CDK19: variants seen among roughly 807,000 people sequenced by gnomAD.
The protein encoded by CDK19 is cyclin dependent kinase 19.
Under a neutral mutation model 68.3 loss-of-function variants are expected in CDK19, and 20 were observed. The ratio of observed to expected loss-of-function variants is 0.29; its 90% confidence interval spans 0.21 to 0.43. The LOEUF is 0.43. Ranked by LOEUF, CDK19 falls within the 20% of genes least tolerant of loss-of-function variation. CDK19 has a pLI of 1.00. For synonymous variants in CDK19, 221 were observed against 222.8 expected, an observed-to-expected ratio of 0.99 and a Z score of 0.07; for missense variants, 339 against 623.5, an observed-to-expected ratio of 0.54 and a Z score of 4.86.
intron 2 of CDK19, among the ~76,000 whole-genome samples, chr6:110,715,994 C>T (rs763426124): frequency 6.6e-6 from 1 of 152,088 alleles, no homozygotes; most frequent in Non-Finnish European, 1.5e-5. Flanking sequence ...ACAAAGCACG[C>T]ATTTTCTGTC....
chr6:110,729,459 C>T (rs1040076227), intron 2 of CDK19, among the ~76,000 whole-genome samples: 2 of 152,178 alleles, frequency 1.3e-5, no homozygotes, highest in East Asian at 1.9e-4. Context: ...GACAGAGTAT[C>T]GCTCTGCCAG....
chr6:110,750,621 C>T (rs1445812439), intron 1 of CDK19, among the ~76,000 whole-genome samples: 1 of 152,034 alleles, frequency 6.6e-6, no homozygotes, highest in Non-Finnish European at 1.5e-5. Context: ...GAAACCCCAA[C>T]CAAAAATGAA....
intron 4 of CDK19, chr6:110,646,286 G>A: frequency 6.6e-7 from 1 of 1,507,916 alleles, no homozygotes; most frequent in Admixed American, 2.1e-5. Context: ...CCGCCAACAT[G>A]TGCAAGCACA....
At chr6:110,694,474 G>A (rs890563039) in intron 2 of CDK19, among the ~76,000 whole-genome samples, 1 of 152,030 alleles carries the variant, frequency 6.6e-6, no homozygotes, top group African/African-American at 2.4e-5. Flanking sequence ...CAATCCTAAA[G>A]ATATATGCAC....
At chr6:110,723,758 T>G (rs1241237954) in intron 2 of CDK19, among the ~76,000 whole-genome samples, 3 of 152,224 alleles carry the variant, frequency 2.0e-5, no homozygotes, top group Non-Finnish European at 1.5e-5. Context: ...AACAAAGCCA[T>G]GCCCACAGGC....
At chr6:110,803,483 C>T (rs1479548147) in intron 1 of CDK19, among the ~76,000 whole-genome samples, 1 of 152,092 alleles carries the variant, frequency 6.6e-6, no homozygotes, top group African/African-American at 2.4e-5. Context: ...CACTTTGATA[C>T]AAATATACAA....
At chr6:110,632,806 G>T (rs1055101872) in intron 5 of CDK19, among the ~76,000 whole-genome samples, 5 of 152,116 alleles carry the variant, frequency 3.3e-5, no homozygotes, top group Admixed American at 3.3e-4. Context: ...TTAGAATCCA[G>T]GTCTGACTTT....
chr6:110,809,271 T>C (rs1053080797), intron 1 of CDK19, among the ~76,000 whole-genome samples: 5 of 150,686 alleles, frequency 3.3e-5, no homozygotes, highest in African/African-American at 4.9e-5. Context: ...TCCCAGCACT[T>C]TGGGAGGCTG....
intron 2 of CDK19, among the ~76,000 whole-genome samples, chr6:110,679,632 T>A (rs1055122652): frequency 6.6e-6 from 1 of 152,026 alleles, no homozygotes; most frequent in East Asian, 1.9e-4. Flanking sequence ...AAAATTTTTT[T>A]AAAAAAAGAA....
chr6:110,618,477 G>A (rs1778491353), intron 12 of CDK19, among the ~76,000 whole-genome samples: 1 of 152,150 alleles, frequency 6.6e-6, no homozygotes, highest in Non-Finnish European at 1.5e-5. Flanking sequence ...CTTGAGTTGT[G>A]TACTTTTCCC....
chr6:110,622,345 T>A (rs1038831384), intron 10 of CDK19, among the ~76,000 whole-genome samples, 179 bp from the exon 11 acceptor site: 1 of 152,228 alleles, frequency 6.6e-6, no homozygotes, highest in Non-Finnish European at 1.5e-5. Context: ...AGTTTCTCTA[T>A]ACTAACTTCA....
intron 1 of CDK19, among the ~76,000 whole-genome samples, chr6:110,776,146 T>G (rs539091724): frequency 2.0e-5 from 3 of 152,004 alleles, no homozygotes; most frequent in African/African-American, 7.3e-5. Flanking sequence ...CCAGAGAAAA[T>G]AGCCAGGCGC....
intron 2 of CDK19, among the ~76,000 whole-genome samples, chr6:110,718,709 T>C (rs578252026): frequency 6.9e-6 from 1 of 144,732 alleles, no homozygotes; most frequent in South Asian, 2.2e-4. Context: ...GAGGGCAAAA[T>C]AAAGACATTT....
rs1481412600 is a variant in CDK19, at chr6:110,613,095, C to G, written c.*1440G>C. 3.3e-5 allele frequency: 5 copies of G among 152,566 alleles called. No individual in the cohort carries two copies. The highest frequency in any genetic ancestry group is 4.8e-5 in the African/African-American group (2 of 41,430). The allele number at this position is 152,566 out of a possible 1,614,324, so 9.5% of individuals were successfully genotyped here. A position where few individuals can be genotyped will look rare whatever the true frequency, so the allele number is the denominator to read the frequency against. ...CATTCAGAAGAACACAAATTTCTTG[C>G]CCCTTACATTACAATGGGAGCTCTA... is the stretch of plus-strand genomic sequence containing the variant. On this transcript the variant is annotated 3_prime_UTR_variant, in exon 13 of 13. Coordinates refer to ENST00000368911, the MANE Select transcript of CDK19 (RefSeq NM_015076.5).
intron 2 of CDK19, among the ~76,000 whole-genome samples, chr6:110,686,959 G>A (rs549156446): frequency 1.3e-5 from 2 of 152,298 alleles, no homozygotes; most frequent in South Asian, 2.1e-4. Context: ...AGCACTTTGG[G>A]AGGCCAAGGC....
At chr6:110,624,146 G>A (rs1778937636) in intron 8 of CDK19, among the ~76,000 whole-genome samples, 1 of 151,834 alleles carries the variant, frequency 6.6e-6, no homozygotes, top group Admixed American at 6.6e-5. Context: ...ATAACTTTTA[G>A]AGGTACATAA....
chr6:110,660,775 G>A (rs1781572700), intron 4 of CDK19, among the ~76,000 whole-genome samples: 1 of 152,212 alleles, frequency 6.6e-6, no homozygotes, highest in South Asian at 2.1e-4. Context: ...TCTGCCGGCT[G>A]AGCCTGAGGT....
intron 4 of CDK19, among the ~76,000 whole-genome samples, chr6:110,647,612 A>C (rs1051917496): frequency 6.6e-6 from 1 of 152,224 alleles, no homozygotes; most frequent in Non-Finnish European, 1.5e-5. Flanking sequence ...AATTAGAAAA[A>C]CTGAAGAAAC....
At chr6:110,683,090 C>T (rs1219911007) in intron 2 of CDK19, among the ~76,000 whole-genome samples, 1 of 148,470 alleles carries the variant, frequency 6.7e-6, no homozygotes, top group Non-Finnish European at 1.5e-5. Context: ...GCAGGAGAAT[C>T]ACTTGAACCC....
Sources: gnomAD v4.1 joint callset for allele counts (sites outside exome capture counted in the v4.1 genomes callset) on GRCh38, gnomAD v4.1.1 for gene constraint, MANE v1.5 for transcripts, NCBI Gene and HGNC (gene_info 2026-07-23, HGNC 2026-07-21) for gene names.